The following PATJ variants were observed in gnomAD, a reference collection of about 807,000 sequenced individuals.
PATJ encodes the protein inaD-like protein.
A neutral mutation model predicts 224.9 loss-of-function variants in PATJ; 190 were observed. That is an observed-to-expected ratio of 0.84 (90% confidence interval 0.75 to 0.95). The LOEUF is 0.95. Among genes scored for constraint, PATJ ranks in the 40% least tolerant of loss-of-function variants. PATJ has a pLI of 0.00. For missense variants in PATJ, 2,121 were observed against 2,270.3 expected (o/e 0.93, Z 1.34); for synonymous variants, 769 against 820.3 (o/e 0.94, Z 1.07).
chr1:61,977,724 A>G (rs113237139), intron 27 of PATJ, among the ~76,000 whole-genome samples: 1,667 of 151,704 alleles, frequency 0.011, 46 homozygotes, highest in African/African-American at 0.038. Flanking sequence ...TAAAAAAGAA[A>G]TTTATTAGCT....
chr1:62,081,221 G>A (rs923909016), intron 32 of PATJ, among the ~76,000 whole-genome samples: 4 of 152,130 alleles, frequency 2.6e-5, no homozygotes, highest in Non-Finnish European at 4.4e-5. Flanking sequence ...TTAGATGACA[G>A]AAATTCAGCA....
At chr1:61,831,341 A>G (rs565836899) in intron 16 of PATJ, among the ~76,000 whole-genome samples, 1 of 152,284 alleles carries the variant, frequency 6.6e-6, no homozygotes, top group Admixed American at 6.5e-5. Context: ...GTGGGACTTA[A>G]TTAAACCAAA....
chr1:62,058,359 G>A (rs17123032), intron 31 of PATJ, among the ~76,000 whole-genome samples: 11,928 of 152,214 alleles, frequency 0.078, 764 homozygotes, highest in African/African-American at 0.16. Flanking sequence ...CCACCTTGAT[G>A]CATTTGATCC....
At chr1:62,121,330 T>A in intron 38 of PATJ, 35 bp downstream of exon 38, 1 of 1,179,854 alleles carries the variant, frequency 8.5e-7, no homozygotes, top group Non-Finnish European at 1.2e-6. Flanking sequence ...AAAACTATCC[T>A]GTTACCCAAA....
intron 31 of PATJ, among the ~76,000 whole-genome samples, chr1:62,060,388 A>G (rs1655228016): frequency 6.6e-6 from 1 of 151,856 alleles, no homozygotes. Context: ...ATTTTTTGAG[A>G]CAAGGTCTTG....
chr1:62,138,986 G>C (rs1667220315), intron 41 of PATJ, among the ~76,000 whole-genome samples: 1 of 151,966 alleles, frequency 6.6e-6, no homozygotes, highest in Admixed American at 6.6e-5. Flanking sequence ...AGATGACATT[G>C]GCTGCAAGCT....
intron 20 of PATJ, among the ~76,000 whole-genome samples, chr1:61,873,913 C>T (rs1666999986): frequency 6.6e-6 from 1 of 152,152 alleles, no homozygotes. Context: ...CCCAGGTATT[C>T]AATTTGGGAT....
chr1:61,914,711 T>C (rs1476782692), intron 26 of PATJ, 47 bp downstream of exon 26: 6 of 1,257,050 alleles, frequency 4.8e-6, no homozygotes, highest in Non-Finnish European at 6.9e-6. Flanking sequence ...TGTTTTGTTT[T>C]TGTTTTTGTT....
At chr1:61,827,972 C>T (rs957175016) in intron 16 of PATJ, among the ~76,000 whole-genome samples, 7 of 152,084 alleles carry the variant, frequency 4.6e-5, no homozygotes, top group African/African-American at 7.2e-5. Flanking sequence ...CTCAGCCGGG[C>T]GCGGTGGCTC....
intron 20 of PATJ, among the ~76,000 whole-genome samples, chr1:61,869,168 GCC>G (rs1665898471): frequency 3.5e-5 from 5 of 140,994 alleles, no homozygotes; most frequent in Admixed American, 7.0e-5. Flanking sequence ...GTGCAGTGGC[GCC>G]ATCTCGGCTC....
intron 30 of PATJ, among the ~76,000 whole-genome samples, chr1:62,047,415 C>G (rs1652767548): frequency 1.5e-5 from 2 of 136,182 alleles, no homozygotes; most frequent in Non-Finnish European, 3.4e-5. Context: ...CACCACCACG[C>G]CTGGCTAATT....
At chr1:62,034,471 A>AT (rs1254450369) in intron 29 of PATJ, among the ~76,000 whole-genome samples, 1 of 149,654 alleles carries the variant, frequency 6.7e-6, no homozygotes, top group East Asian at 2.0e-4. Context: ...AAGCTTAATT[A>AT]TAAAGCAAAC....
chr1:62,137,868 T>A (rs952081128), intron 41 of PATJ, among the ~76,000 whole-genome samples: 1 of 151,912 alleles, frequency 6.6e-6, no homozygotes, highest in Non-Finnish European at 1.5e-5. Flanking sequence ...GGTGGGGGGA[T>A]CTCCTCCTTC....
chr1:62,092,051 CAAA>C (rs574301543), intron 33 of PATJ, among the ~76,000 whole-genome samples: 21 of 83,670 alleles, frequency 2.5e-4, no homozygotes, highest in Non-Finnish European at 2.3e-4. Context: ...GACCCTGTCT[CAAA>C]AAAAAAAAAA....
chr1:61,838,520 A>AT (rs2148820109), intron 17 of PATJ, among the ~76,000 whole-genome samples: 1 of 129,136 alleles, frequency 7.7e-6, no homozygotes, highest in African/African-American at 3.1e-5. Flanking sequence ...ACGCCTGGCT[A>AT]ATTTTTTTTT....
intron 32 of PATJ, among the ~76,000 whole-genome samples, chr1:62,082,857 T>C (rs1659453654): frequency 6.6e-6 from 1 of 152,140 alleles, no homozygotes; most frequent in African/African-American, 2.4e-5. Flanking sequence ...TGACCCCTGC[T>C]TTTACATAGG....
chr1:62,148,247 T>C, intron 41 of PATJ, 37 bp from the exon 42 acceptor site: 2 of 1,435,578 alleles, frequency 1.4e-6, no homozygotes, highest in Non-Finnish European at 9.8e-7. Flanking sequence ...TCTCCCCTTC[T>C]TTATAATGAA....
At position 62,051,058 on chromosome 1, in the gene PATJ, G is replaced by A. The variant is rs1653522678; in HGVS notation, c.4125G>A (p.Leu1375=). Residue 1375 remains leucine, a splice_region_variant and synonymous_variant, in exon 31 of 44, where the codon CTG becomes CTA. Transcript: ENST00000642238. The part of the protein sequence containing the change: ...KQLPESESFK[L]AVSQMKQQKY... ...TGCCTGAAAGTGAAAGCTTCAAACT[G>A]GTGAGAATCTTGAGTATTTTTCATC... 1 of 1,604,472 alleles carries A rather than the reference G, an allele frequency of 6.2e-7. No homozygotes were observed. The highest frequency in any genetic ancestry group is 1.1e-5 in the South Asian group (1 of 90,760).
At chr1:62,043,220 C>T (rs56743422) in intron 30 of PATJ, among the ~76,000 whole-genome samples, 16 of 152,132 alleles carry the variant, frequency 1.1e-4, no homozygotes, top group African/African-American at 3.6e-4. Context: ...TTATGAGGGC[C>T]AGGTGTAAAA....
Sources: gnomAD v4.1 joint callset for allele counts (sites outside exome capture counted in the v4.1 genomes callset) on GRCh38, gnomAD v4.1.1 for gene constraint, MANE v1.5 for transcripts, NCBI Gene and HGNC (gene_info 2026-07-23, HGNC 2026-07-21) for gene names.